Variants in ANO1 observed in about 807,000 individuals in gnomAD.
ANO1 encodes the protein anoctamin 1.
In ANO1, 59 loss-of-function variants were observed where a neutral mutation model predicts 124.0. The ratio of observed to expected loss-of-function variants is 0.48; its 90% CI spans 0.39 to 0.59. The LOEUF (loss-of-function observed/expected upper bound fraction) is 0.59. ANO1 is among the 20% of genes least tolerant of loss of function. The probability of loss-of-function intolerance (pLI) is 0.00; values close to 1 mark genes in which losing one functional copy is unlikely to be tolerated. For missense variants in ANO1, 1,059 were observed against 1,328.0 expected (o/e 0.80, Z 3.15); for synonymous variants, 529 against 532.0 (o/e 0.99, Z 0.08).
chr11:70,126,194 A>G lies in ANO1; in HGVS notation c.1096A>G (p.Ser366Gly), dbSNP rs2046503694. 1.9e-6 allele frequency: 3 copies of G among 1,611,252 alleles called. No homozygotes were observed. Among genetic ancestry groups the G allele is most frequent in the Admixed American group, 3.3e-5 (2 of 59,776 alleles). The change falls in exon 10 of 26, where the codon AGC becomes GGC. Residue 366 changes from serine (S) to glycine (G), a missense_variant and splice_region_variant. Ser to Gly is a moderately conservative substitution (Grantham distance 56). Around this residue, in one of 2 missense-constraint regions of ANO1, gnomAD observed 809 missense variants for 1,094.9 expected, o/e 0.74. Transcript: ENST00000355303. ...GCATMDENIP[S>G]MEMCDQRHNI... is the part of the protein sequence containing the mutation. ...CGCCACCATGGATGAAAACATCCCCAGGTAGGCGGCAGCCCACCCCCACCA... is the reference window on the plus strand; with the variant it reads ...CGCCACCATGGATGAAAACATCCCCGGGTAGGCGGCAGCCCACCCCCACCA...
intron 22 of ANO1, among the ~76,000 whole-genome samples, chr11:70,173,981 G>T (rs1431980548): frequency 6.6e-6 from 1 of 151,442 alleles, no homozygotes; most frequent in East Asian, 2.0e-4. Context: ...TGTTGCCCAG[G>T]CTGGAGTGCA....
chr11:70,095,027 G>A (rs1023959626), intron 2 of ANO1, among the ~76,000 whole-genome samples: 1 of 152,146 alleles, frequency 6.6e-6, no homozygotes, highest in Non-Finnish European at 1.5e-5. Context: ...GCCACATAGC[G>A]AAACCCCATC....
At chr11:70,096,449 G>A (rs1423182099) in intron 2 of ANO1, among the ~76,000 whole-genome samples, 1 of 152,176 alleles carries the variant, frequency 6.6e-6, no homozygotes, top group Non-Finnish European at 1.5e-5. Flanking sequence ...TCTGCCTCCT[G>A]TCAGATCAGC....
At position 70,167,339 on chromosome 11, in the gene ANO1, T is replaced by C. The variant is rs1055767413; in HGVS notation, c.2149T>C (p.Tyr717His). The C allele has an allele frequency of 1.1e-5, 17 of 1,613,662 alleles. No homozygotes were observed. The Admixed American group carries it at 1.2e-4, about 11-fold the overall frequency. Reference sequence around the variant, plus strand: ...GAGGAAACAGCGGTACGAGGTGGATTACAACCTGGAGCCCTTCGCGGGCCT... The same window carrying C: ...GAGGAAACAGCGGTACGAGGTGGATCACAACCTGGAGCCCTTCGCGGGCCT... Reference protein sequence around the residue: ...VKRKQRYEVDYNLEPFAGLTP... With the variant: ...VKRKQRYEVDHNLEPFAGLTP... Residue 717 changes from tyrosine (Y) to histidine (H), a missense_variant, in exon 21 of 26, where the codon TAC becomes CAC. Physicochemically the swap from Tyr to His is moderately conservative, Grantham distance 83 (BLOSUM62 2). This residue lies in a region of ANO1 where 809 missense variants were observed against 1,094.9 expected (regional missense o/e 0.74). Coordinates refer to ENST00000355303, the MANE Select transcript of ANO1 (RefSeq NM_018043.7).
At chr11:70,082,727 C>T (rs750914619) in intron 1 of ANO1, among the ~76,000 whole-genome samples, 4 of 152,104 alleles carry the variant, frequency 2.6e-5, no homozygotes, top group Non-Finnish European at 5.9e-5. Flanking sequence ...ACTGCAATTA[C>T]ATCTTTGCCT....
At chr11:70,169,388 T>G (rs1201919497) in intron 21 of ANO1, among the ~76,000 whole-genome samples, 1 of 151,868 alleles carries the variant, frequency 6.6e-6, no homozygotes, top group Non-Finnish European at 1.5e-5. Flanking sequence ...CCAGGAAGTC[T>G]CAAGCCACAG....
intron 16 of ANO1, 83 bp downstream of exon 16, chr11:70,157,104 C>T (rs1385231033): frequency 7.2e-5 from 92 of 1,284,102 alleles, no homozygotes; most frequent in Admixed American, 1.0e-4. Context: ...TGGTGGTTCA[C>T]GACTGTAATC....
At chr11:70,003,987 C>T (rs546381597) in intron 1 of ANO1, among the ~76,000 whole-genome samples, 2 of 152,240 alleles carry the variant, frequency 1.3e-5, no homozygotes, top group East Asian at 3.9e-4. Context: ...CACACTGTCC[C>T]GTCCAGACCA....
At chr11:70,164,297 T>G (rs1183008115) in intron 19 of ANO1, among the ~76,000 whole-genome samples, 3 of 152,096 alleles carry the variant, frequency 2.0e-5, no homozygotes, top group Admixed American at 6.5e-5. Flanking sequence ...GAATAAGATA[T>G]CGAGGATGGG....
At chr11:70,122,712 G>C in intron 8 of ANO1, among the ~76,000 whole-genome samples, 1 of 143,468 alleles carries the variant, frequency 7.0e-6, no homozygotes, top group Admixed American at 6.9e-5. Flanking sequence ...TGTCTCTCTC[G>C]CTGCCTCTCT....
At chr11:69,985,571 G>A (rs372553247), upstream of ANO1, among the ~76,000 whole-genome samples, 38 of 152,302 alleles carry the variant, frequency 2.5e-4, no homozygotes, top group African/African-American at 8.9e-4. Context: ...CCCGTCTCTC[G>A]GGGGCTGGCT....
intron 1 of ANO1, among the ~76,000 whole-genome samples, chr11:70,055,654 C>A (rs1277123977): frequency 6.6e-6 from 1 of 151,762 alleles, no homozygotes; most frequent in African/African-American, 2.4e-5. Context: ...ATATTTAGAC[C>A]ATTTATATTT....
chr11:70,097,043 T>C (rs1364743108), intron 2 of ANO1, among the ~76,000 whole-genome samples: 1 of 152,170 alleles, frequency 6.6e-6, no homozygotes, highest in African/African-American at 2.4e-5. Context: ...CATTCTTTAC[T>C]ATGTATCCTG....
At chr11:70,161,030 A>T in intron 16 of ANO1, 131 bp from the exon 17 acceptor site, 1 of 863,410 alleles carries the variant, frequency 1.2e-6, no homozygotes, top group Non-Finnish European at 1.7e-6. Context: ...GTGCCCAAGA[A>T]ATGTCAGTGC....
chr11:70,037,283 G>A (rs530118420), intron 1 of ANO1, among the ~76,000 whole-genome samples: 11 of 152,248 alleles, frequency 7.2e-5, no homozygotes, highest in Non-Finnish European at 1.0e-4. Flanking sequence ...AGGGCAGGTG[G>A]GGGTTTGGAA....
the ANO1 span, among the ~76,000 whole-genome samples, chr11:69,971,993 G>A: frequency 2.8e-4 from 42 of 151,982 alleles, no homozygotes; most frequent in Admixed American, 7.9e-4. Context: ...GGCCCAGGCG[G>A]GTGGATCCCT....
chr11:69,967,260 C>G, the ANO1 span, among the ~76,000 whole-genome samples: 1 of 150,782 alleles, frequency 6.6e-6, no homozygotes, highest in East Asian at 2.0e-4. Context: ...GTTCCGAGCG[C>G]CTGTATTGCA....
At chr11:70,004,583 C>T (rs1465901634) in intron 1 of ANO1, among the ~76,000 whole-genome samples, 3 of 152,210 alleles carry the variant, frequency 2.0e-5, no homozygotes, top group East Asian at 1.9e-4. Context: ...AAGCGTGTCG[C>T]GACGTTACGC....
At chr11:70,130,116 A>G (rs2046687517) in intron 10 of ANO1, among the ~76,000 whole-genome samples, 1 of 152,028 alleles carries the variant, frequency 6.6e-6, no homozygotes, top group Non-Finnish European at 1.5e-5. Context: ...ACAAACACCC[A>G]CTTCAGCATC....
Sources: gnomAD v4.1 joint callset for allele counts (sites outside exome capture counted in the v4.1 genomes callset) on GRCh38, gnomAD v4.1.1 for gene constraint, gnomAD v4.1.1 regional missense constraint, MANE v1.5 for transcripts, NCBI Gene and HGNC (gene_info 2026-07-23, HGNC 2026-07-21) for gene names.